The following RNF121 variants were observed in gnomAD, a reference collection of about 807,000 sequenced individuals.
RNF121 encodes the protein E3 ubiquitin ligase RNF121.
RNF121 carries 21 observed loss-of-function variants against 46.5 expected under a neutral mutation model. That is an observed-to-expected ratio of 0.45 (90% CI 0.32 to 0.65). The LOEUF (loss-of-function observed/expected upper bound fraction) is 0.65. RNF121 is among the 30% of genes least tolerant of loss of function. The pLI is 0.04. For synonymous variants in RNF121, 139 were observed against 144.7 expected (o/e 0.96, Z 0.28); for missense variants, 346 against 416.0 (o/e 0.83, Z 1.46).
At chr11:71,978,615 A>G (rs1954583814) in intron 3 of RNF121, among the ~76,000 whole-genome samples, 1 of 152,236 alleles carries the variant, frequency 6.6e-6, no homozygotes, top group South Asian at 2.1e-4. Context: ...GCTTATTATG[A>G]ATTATGCATC....
rs952570297 is a variant in RNF121 at position 71,935,908 on chromosome 11, C to T, written c.63+6784C>T. Among the ~76,000 whole-genome samples, 4 of 133,280 alleles carry T rather than the reference C, an allele frequency of 3.0e-5. 1 individual carries two copies. Among genetic ancestry groups the T allele is most frequent in the South Asian group, 4.6e-4 (2 of 4,394 alleles). The allele number at this position is 133,280 out of a possible 152,430, so 87.4% of individuals were successfully genotyped here. A position where few individuals can be genotyped will look rare whatever the true frequency, so the allele number is the denominator to read the frequency against. On this transcript the variant is annotated intron_variant, in intron 1 of 8. Transcript: ENST00000361756. ...TGTTGTCCAGGCTAGAGTGCAGTGG[C>T]GTGACCTTGGCTCACTGCAGCCTCC...
chr11:71,992,376 ACATTT>A (rs757857034), intron 6 of RNF121, among the ~76,000 whole-genome samples: 48 of 152,374 alleles, frequency 3.2e-4, no homozygotes, highest in African/African-American at 1.1e-3. Context: ...GTAAAGCTAC[ACATTT>A]CATTTCAACA....
At position 71,929,131 on chromosome 11, in the gene RNF121, G is replaced by C. The variant is rs900879492; in HGVS notation, c.63+7G>C. The C allele has an allele frequency of 3.9e-6, 6 of 1,551,070 alleles. No homozygotes were observed. The African/African-American group carries it at 8.2e-5, about 21-fold the overall frequency. On this transcript the variant is annotated splice_region_variant and intron_variant, in intron 1 of 8. Transcript: ENST00000361756. ...GGAACGGGAGCTGGATGAGGTAAGCGGAGTTGAGAGACGAGGAGAGACTCA... is the reference window on the plus strand; with the variant it reads ...GGAACGGGAGCTGGATGAGGTAAGCCGAGTTGAGAGACGAGGAGAGACTCA...
chr11:71,970,572 A>G (rs949719503), intron 3 of RNF121, among the ~76,000 whole-genome samples: 1 of 152,048 alleles, frequency 6.6e-6, no homozygotes, highest in African/African-American at 2.4e-5. Context: ...TGAGGCGGGA[A>G]GATTGCTTGG....
chr11:71,934,926 T>G (rs1388718938), intron 1 of RNF121, among the ~76,000 whole-genome samples: 2 of 144,784 alleles, frequency 1.4e-5, no homozygotes, highest in African/African-American at 2.5e-5. Flanking sequence ...CTGTGCCAAG[T>G]GTTCCAAATG....
chr11:71,949,863 G>C (rs546499325), intron 1 of RNF121, among the ~76,000 whole-genome samples: 1 of 151,922 alleles, frequency 6.6e-6, no homozygotes, highest in Non-Finnish European at 1.5e-5. Context: ...TTAGCTGGGC[G>C]TGGTGGCACG....
chr11:71,987,494 G>A (rs77759376), intron 5 of RNF121, among the ~76,000 whole-genome samples: 2,506 of 152,254 alleles, frequency 0.016, 29 homozygotes, highest in Non-Finnish European at 0.024. Context: ...ATGGCCTTAC[G>A]TTCAACTAGG....
chr11:71,953,159 A>G (rs1953922192), intron 1 of RNF121, among the ~76,000 whole-genome samples: 3 of 152,140 alleles, frequency 2.0e-5, no homozygotes, highest in Admixed American at 2.0e-4. Flanking sequence ...TTAGCCTCCC[A>G]AGTAGCTGGG....
At chr11:71,971,310 A>T (rs924622566) in intron 3 of RNF121, among the ~76,000 whole-genome samples, 2 of 152,188 alleles carry the variant, frequency 1.3e-5, no homozygotes, top group African/African-American at 4.8e-5. Context: ...CTTGAGCCCA[A>T]GAGTTTGAGG....
intron 3 of RNF121, among the ~76,000 whole-genome samples, chr11:71,963,745 G>T (rs142256289): frequency 2.6e-5 from 4 of 152,330 alleles, no homozygotes; most frequent in Non-Finnish European, 5.9e-5. Context: ...AGTTGTCCCA[G>T]CATCATTTAT....
chr11:71,941,994 G>A (rs1201648633), intron 1 of RNF121, among the ~76,000 whole-genome samples: 2 of 149,048 alleles, frequency 1.3e-5, no homozygotes, highest in Admixed American at 1.3e-4. Flanking sequence ...GTGCAGTAGC[G>A]CGATCTTGGC....
At chr11:71,986,638 G>A (rs1350076596) in intron 4 of RNF121, among the ~76,000 whole-genome samples, 1 of 151,866 alleles carries the variant, frequency 6.6e-6, no homozygotes, top group African/African-American at 2.4e-5. Context: ...GTGTGGTGGT[G>A]GGCACCTGTG....
chr11:71,994,386 G>A (rs1036086631), intron 6 of RNF121, among the ~76,000 whole-genome samples: 9 of 152,038 alleles, frequency 5.9e-5, no homozygotes, highest in Non-Finnish European at 1.2e-4. Flanking sequence ...GCCTGACACA[G>A]CTTTTGATCA....
Position 71,960,909 on chromosome 11 carries a change from T to G in RNF121, c.243+18T>G, listed in dbSNP as rs1428540652. 1 of 1,611,526 alleles carries G rather than the reference T, an allele frequency of 6.2e-7. No individual in the cohort carries two copies. Among genetic ancestry groups the G allele is most frequent in the East Asian group, 2.2e-5 (1 of 44,862 alleles). The stretch of plus-strand genomic sequence containing the variant: ...CCTACAATGTAAGCCACTTTGCCTC[T>G]TACTTCTTTGTCTGTCAGTCATCAA... On this transcript the variant is annotated intron_variant, in intron 3 of 8. Coordinates refer to ENST00000361756, the MANE Select transcript of RNF121 (RefSeq NM_018320.5).
intron 3 of RNF121, among the ~76,000 whole-genome samples, chr11:71,969,693 A>G (rs912061740): frequency 1.3e-5 from 2 of 152,008 alleles, no homozygotes; most frequent in African/African-American, 4.8e-5. Flanking sequence ...CTCCCAGGTA[A>G]ATGGGACCAC....
intron 3 of RNF121, among the ~76,000 whole-genome samples, chr11:71,976,284 AG>A (rs1954524256): frequency 6.7e-6 from 1 of 149,888 alleles, no homozygotes; most frequent in Non-Finnish European, 1.5e-5. Flanking sequence ...CTAGGGTCCC[AG>A]AGATACTTTA....
intron 3 of RNF121, among the ~76,000 whole-genome samples, chr11:71,977,065 A>G (rs971105430): frequency 6.6e-6 from 1 of 152,012 alleles, no homozygotes; most frequent in Non-Finnish European, 1.5e-5. Context: ...CCAGAAACCT[A>G]CCTCCAGTTG....
chr11:71,939,266 CT>C, intron 1 of RNF121: 2 of 192,386 alleles, frequency 1.0e-5, no homozygotes, highest in Non-Finnish European at 2.2e-5. Context: ...AAAATTCAGT[CT>C]TTTTGGTCCA....
At chr11:71,944,373 G>A (rs1011393932) in intron 1 of RNF121, among the ~76,000 whole-genome samples, 40 of 152,192 alleles carry the variant, frequency 2.6e-4, no homozygotes, top group African/African-American at 9.7e-4. Context: ...TGGATCAGAT[G>A]TGCATTATAG....
Sources: gnomAD v4.1 joint callset for allele counts (sites outside exome capture counted in the v4.1 genomes callset) on GRCh38, gnomAD v4.1.1 for gene constraint, MANE v1.5 for transcripts, NCBI Gene and HGNC (gene_info 2026-07-23, HGNC 2026-07-21) for gene names.